The following MACF1 variants were observed in gnomAD, a reference collection of about 807,000 sequenced individuals.
The protein encoded by MACF1 is microtubule actin crosslinking factor 1.
A neutral mutation model predicts 854.8 loss-of-function variants in MACF1; 193 were observed. The observed-to-expected ratio is 0.23, with a 90% CI of 0.20 to 0.25. The LOEUF is 0.25. Among genes scored for constraint, MACF1 ranks in the 10% least tolerant of loss-of-function variants. The pLI is 1.00. For synonymous variants in MACF1, 3,185 were observed against 3,226.7 expected, an observed-to-expected ratio of 0.99 and a Z score of 0.44; for missense variants, 7,722 against 8,929.1, an observed-to-expected ratio of 0.86 and a Z score of 5.45.
intron 93 of MACF1, 108 bp downstream of exon 93, chr1:39,462,145 G>A: frequency 9.3e-7 from 1 of 1,076,054 alleles, no homozygotes; most frequent in East Asian, 2.5e-5. Context: ...TCTGTTGGGA[G>A]ATAATTATTT....
At chr1:39,480,719 G>A (rs750713198) in intron 98 of MACF1, among the ~76,000 whole-genome samples, 7 of 152,158 alleles carry the variant, frequency 4.6e-5, no homozygotes, top group Non-Finnish European at 8.8e-5. Flanking sequence ...AGCTAAGTTT[G>A]ATGTTATGAT....
intron 58 of MACF1, among the ~76,000 whole-genome samples, 187 bp from the exon 59 acceptor site, chr1:39,422,187 A>G (rs548575015): frequency 2.0e-5 from 3 of 152,360 alleles, no homozygotes; most frequent in Non-Finnish European, 4.4e-5. Context: ...ACATGTCCAT[A>G]GGAGAATGTA....
At chr1:39,450,695 T>G (rs578249611) in intron 84 of MACF1, among the ~76,000 whole-genome samples, 115 of 146,786 alleles carry the variant, frequency 7.8e-4, no homozygotes, top group Non-Finnish European at 1.4e-3. Flanking sequence ...CACTGCAAGC[T>G]CTGCCTCCCG....
intron 58 of MACF1, among the ~76,000 whole-genome samples, chr1:39,421,211 T>C (rs1480687054): frequency 2.6e-5 from 4 of 152,158 alleles, no homozygotes; most frequent in Admixed American, 6.5e-5. Flanking sequence ...TTCTGACCCT[T>C]TTTTCCTTTT....
intron 14 of MACF1, among the ~76,000 whole-genome samples, chr1:39,286,656 G>A (rs1004890076): frequency 7.9e-5 from 12 of 151,792 alleles, no homozygotes; most frequent in South Asian, 2.1e-4. Context: ...TAGTAGAGAC[G>A]GGGTTTCACC....
rs769650085 is a variant in MACF1 at position 39,427,451 on chromosome 1, G to A, written c.16317-4G>A. The A allele has an allele frequency of 1.9e-6, 3 of 1,613,280 alleles. No homozygotes were observed. The highest frequency in any genetic ancestry group is 2.2e-5 in the South Asian group (2 of 90,968). On this transcript the variant is annotated splice_region_variant and splice_polypyrimidine_tract_variant and intron_variant, in intron 61 of 100. Coordinates refer to ENST00000564288, the MANE Select transcript of MACF1 (RefSeq NM_001394062.1). ...TGAGCAGCTTGTTCTATATATTTGT[G>A]TAGGCAAAAACAGCTGGAAGACATC...
chr1:39,479,058 GC>G (rs1415060652), intron 97 of MACF1, among the ~76,000 whole-genome samples: 6 of 152,190 alleles, frequency 3.9e-5, no homozygotes, highest in Non-Finnish European at 7.3e-5. Context: ...TTCTGGGTGT[GC>G]AGCCCCAGAA....
chr1:39,371,245 G>A (rs1649204009), intron 51 of MACF1, among the ~76,000 whole-genome samples: 1 of 151,352 alleles, frequency 6.6e-6, no homozygotes, highest in East Asian at 1.9e-4. Context: ...TTGAACTTGG[G>A]AGGTGGAGGT....
intron 6 of MACF1, chr1:39,269,728 G>A: frequency 7.8e-7 from 1 of 1,285,606 alleles, no homozygotes; most frequent in Non-Finnish European, 1.0e-6. Flanking sequence ...GAGGTAGGTG[G>A]GCATGTTCAA....
At chr1:39,345,523 A>G (rs753423237) in intron 40 of MACF1, among the ~76,000 whole-genome samples, 8 of 152,144 alleles carry the variant, frequency 5.3e-5, no homozygotes, top group Non-Finnish European at 7.4e-5. Flanking sequence ...AGGTGAGAGG[A>G]TTGCTTGAGC....
At chr1:39,140,230 C>A (rs1400552929) in intron 2 of MACF1, among the ~76,000 whole-genome samples, 2 of 152,172 alleles carry the variant, frequency 1.3e-5, no homozygotes, top group Non-Finnish European at 2.9e-5. Context: ...GCTGGGATTA[C>A]GGGCATGAGC....
intron 38 of MACF1, 108 bp downstream of exon 38, chr1:39,337,439 G>A (rs1382886707): frequency 9.2e-7 from 1 of 1,084,778 alleles, no homozygotes; most frequent in African/African-American, 1.6e-5. Context: ...CTATTCTAGG[G>A]TAAACAATCT....
chr1:39,355,520 G>T (rs1357287503), intron 44 of MACF1, among the ~76,000 whole-genome samples: 1 of 124,986 alleles, frequency 8.0e-6, no homozygotes, highest in Non-Finnish European at 1.6e-5. Context: ...AGGCTGGAGT[G>T]CAGTGGCACA....
chr1:39,176,921 CT>C (rs959131454), intron 2 of MACF1, among the ~76,000 whole-genome samples: 8 of 152,076 alleles, frequency 5.3e-5, no homozygotes, highest in African/African-American at 1.9e-4. Context: ...TGAATTGTGA[CT>C]TTTTTTCTTT....
At chr1:39,227,551 G>T (rs1217399102) in intron 1 of MACF1, among the ~76,000 whole-genome samples, 2 of 152,284 alleles carry the variant, frequency 1.3e-5, no homozygotes, top group South Asian at 2.1e-4. Context: ...CACAGAGACT[G>T]TTGAGAACTG....
rs755966934 is a variant in MACF1 at position 39,331,233 on chromosome 1, C to T, written c.4645C>T (p.Leu1549=). The stretch of plus-strand genomic sequence containing the variant: ...CAGAGCAGTTGCTGGGGTGATTGAC[C>T]TAGGCACAGTGGAGATATTTCCCAT... The part of the protein sequence containing the change: ...ECRAVAGVID[L]GTVEIFPIFK... Residue 1549 remains leucine (L), a synonymous_variant, in exon 37 of 101, where the codon CTA becomes TTA. Transcript: ENST00000564288. The T allele has an allele frequency of 1.9e-5, 29 of 1,566,688 alleles. No homozygotes were observed. Among genetic ancestry groups the T allele is most frequent in the Non-Finnish European group, 2.4e-5 (28 of 1,160,040 alleles).
intron 2 of MACF1, among the ~76,000 whole-genome samples, chr1:39,239,588 G>T (rs1204867991): frequency 6.6e-6 from 1 of 152,154 alleles, no homozygotes; most frequent in Non-Finnish European, 1.5e-5. Flanking sequence ...TCTAAATGAG[G>T]TCTTATTTAA....
rs1646769708 is a variant in MACF1 at position 39,333,909 on chromosome 1, A to C, written c.7321A>C (p.Asn2441His). ...VDVADQPELINLEKASKGRDA... is the reference protein window; with the variant it reads ...VDVADQPELIHLEKASKGRDA... ...CGTTGCTGACCAGCCAGAACTTATA[A>C]ATCTGGAGAAAGCTTCCAAAGGTAG... Residue 2441 changes from asparagine (N) to histidine (H), a missense_variant, in exon 37 of 101, where the codon AAT (asparagine) becomes CAT (histidine). Asn to His is a moderately conservative substitution (Grantham distance 68). Around this residue, in one of 15 missense-constraint regions of MACF1, gnomAD observed 1,531 missense variants for 1,601.6 expected, o/e 0.96. Coordinates refer to ENST00000564288, the MANE Select transcript of MACF1 (RefSeq NM_001394062.1). 3 of 1,614,174 alleles carry C rather than the reference A, an allele frequency of 1.9e-6. No homozygotes were observed. Among genetic ancestry groups the C allele is most frequent in the Non-Finnish European group, 1.7e-6 (2 of 1,180,028 alleles).
At chr1:39,425,125 G>A (rs1643682048) in intron 61 of MACF1, among the ~76,000 whole-genome samples, 1 of 152,050 alleles carries the variant, frequency 6.6e-6, no homozygotes, top group Non-Finnish European at 1.5e-5. Context: ...CAGTTTCCTA[G>A]GCTTAAAACC....
Sources: gnomAD v4.1 joint callset for allele counts (sites outside exome capture counted in the v4.1 genomes callset) on GRCh38, gnomAD v4.1.1 for gene constraint, gnomAD v4.1.1 regional missense constraint, MANE v1.5 for transcripts, NCBI Gene and HGNC (gene_info 2026-07-23, HGNC 2026-07-21) for gene names.